Variants in PTPRT observed in about 807,000 individuals in gnomAD.
PTPRT encodes protein tyrosine phosphatase receptor type T.
In PTPRT, 56 loss-of-function variants were observed where a neutral mutation model predicts 176.8. The ratio of observed to expected loss-of-function variants is 0.32; its 90% CI spans 0.26 to 0.40. The LOEUF (loss-of-function observed/expected upper bound fraction) is 0.40. Ranked by LOEUF, PTPRT falls within the 10% of genes least tolerant of loss-of-function variation. PTPRT has a pLI of 1.00. For synonymous variants in PTPRT, 783 were observed against 739.0 expected, an observed-to-expected ratio of 1.06 and a Z score of -0.96; for missense variants, 1,540 against 1,908.2, an observed-to-expected ratio of 0.81 and a Z score of 3.60.
chr20:42,245,433 C>T (rs1025583716), intron 14 of PTPRT, among the ~76,000 whole-genome samples: 4 of 152,106 alleles, frequency 2.6e-5, no homozygotes, highest in Non-Finnish European at 5.9e-5. Context: ...AATCACCCAC[C>T]AACATCTCAT....
intron 17 of PTPRT, among the ~76,000 whole-genome samples, chr20:42,145,690 G>A (rs920498599): frequency 1.3e-5 from 2 of 152,120 alleles, no homozygotes; most frequent in Non-Finnish European, 1.5e-5. Flanking sequence ...TTCATTAGAG[G>A]GCACAGGAAG....
intron 1 of PTPRT, among the ~76,000 whole-genome samples, chr20:43,162,917 G>A (rs548603039): frequency 5.3e-5 from 8 of 152,288 alleles, no homozygotes; most frequent in African/African-American, 1.7e-4. Flanking sequence ...TACCATCTCC[G>A]TATGGTGATA....
chr20:42,783,793 C>A (rs1453409384), intron 3 of PTPRT, among the ~76,000 whole-genome samples: 1 of 152,100 alleles, frequency 6.6e-6, no homozygotes, highest in African/African-American at 2.4e-5. Context: ...ATGGGAGAGC[C>A]AGGGGAGTGA....
At chr20:42,856,223 C>G (rs1309204935) in intron 2 of PTPRT, among the ~76,000 whole-genome samples, 2 of 152,162 alleles carry the variant, frequency 1.3e-5, no homozygotes, top group Non-Finnish European at 2.9e-5. Context: ...GCAATTTCCT[C>G]TCCCATAAGA....
intron 9 of PTPRT, among the ~76,000 whole-genome samples, chr20:42,372,073 C>T (rs1471253765): frequency 6.6e-6 from 1 of 152,048 alleles, no homozygotes; most frequent in Non-Finnish European, 1.5e-5. Flanking sequence ...TCAAGAGACT[C>T]CAAACATTCC....
intron 1 of PTPRT, among the ~76,000 whole-genome samples, chr20:42,998,107 A>C (rs1034733700): frequency 1.3e-5 from 2 of 152,166 alleles, no homozygotes; most frequent in African/African-American, 4.8e-5. Context: ...TCAAGGGAAA[A>C]GCTACCCCCT....
intron 1 of PTPRT, among the ~76,000 whole-genome samples, chr20:42,920,380 T>C (rs1487345804): frequency 3.9e-5 from 6 of 151,918 alleles, no homozygotes; most frequent in Non-Finnish European, 8.8e-5. Flanking sequence ...AGTGGTCGCC[T>C]GGAGCAGGGA....
the PTPRT span, among the ~76,000 whole-genome samples, chr20:42,057,603 T>C: frequency 6.6e-6 from 1 of 152,186 alleles, no homozygotes; most frequent in Non-Finnish European, 1.5e-5. Flanking sequence ...TATCTTTTTT[T>C]TTAGAAACAG....
intron 18 of PTPRT, among the ~76,000 whole-genome samples, chr20:42,129,304 G>C (rs545329872): frequency 4.6e-5 from 7 of 152,236 alleles, no homozygotes; most frequent in African/African-American, 1.4e-4. Context: ...GAGATAGATT[G>C]TCAGCCATAT....
chr20:42,922,405 T>C (rs540836252), intron 1 of PTPRT, among the ~76,000 whole-genome samples: 1 of 152,268 alleles, frequency 6.6e-6, no homozygotes, highest in South Asian at 2.1e-4. Flanking sequence ...CTACTCCCAA[T>C]TTCACATCCT....
intron 1 of PTPRT, among the ~76,000 whole-genome samples, chr20:43,105,192 C>A (rs2012552854): frequency 1.3e-5 from 2 of 152,144 alleles, no homozygotes; most frequent in Admixed American, 6.5e-5. Flanking sequence ...TCAGGCCCTA[C>A]CTCAAACCTA....
intron 5 of PTPRT, among the ~76,000 whole-genome samples, chr20:42,766,139 A>G (rs573462179): frequency 7.2e-5 from 11 of 152,310 alleles, no homozygotes; most frequent in Middle Eastern, 3.4e-3. Context: ...CATTTTTTAA[A>G]TGGACTCCAC....
At chr20:42,321,257 T>G (rs960113326) in intron 11 of PTPRT, among the ~76,000 whole-genome samples, 2 of 152,152 alleles carry the variant, frequency 1.3e-5, no homozygotes, top group Admixed American at 6.5e-5. Flanking sequence ...AACTTGTGGC[T>G]GCATATTATA....
At chr20:42,744,561 T>C (rs1456239110) in intron 6 of PTPRT, among the ~76,000 whole-genome samples, 1 of 152,226 alleles carries the variant, frequency 6.6e-6, no homozygotes, top group African/African-American at 2.4e-5. Context: ...AATGGCTTTT[T>C]TTGATCCAAA....
At chr20:42,062,949 C>G in the PTPRT span, among the ~76,000 whole-genome samples, 1 of 152,360 alleles carries the variant, frequency 6.6e-6, no homozygotes, top group Non-Finnish European at 1.5e-5. Context: ...CAGCCAGCAT[C>G]CTGGAGGATG....
At chr20:42,787,270 G>A (rs1388139713) in intron 3 of PTPRT, among the ~76,000 whole-genome samples, 3 of 152,140 alleles carry the variant, frequency 2.0e-5, no homozygotes, top group Admixed American at 1.3e-4. Flanking sequence ...TGAAATGGAT[G>A]CTCTTAATTT....
rs116625960 is a variant in PTPRT at position 42,425,170 on chromosome 20, T to C, written c.1560+23050A>G. Reference sequence around the variant, plus strand: ...CTTCTAGATGTCTGGGAAACATTGATGAACAAGACAAAATCCTTGCCTGGA... The same window carrying C: ...CTTCTAGATGTCTGGGAAACATTGACGAACAAGACAAAATCCTTGCCTGGA... On this transcript the variant is annotated intron_variant, in intron 9 of 30. Transcript: ENST00000373187. Among the ~76,000 whole-genome samples the C allele has an allele frequency of 4.5e-3, 678 of 152,120 alleles. 5 individuals carry two copies. The highest frequency in any genetic ancestry group is 0.016 in the African/African-American group (653 of 41,478).
At position 42,553,606 on chromosome 20, in the gene PTPRT, CAT is replaced by C. The variant is rs1158838873; in HGVS notation, c.1154-81046_1154-81045del. On this transcript the variant is annotated intron_variant, in intron 7 of 30. Transcript: ENST00000373187. Reference sequence around the variant, plus strand: ...TTGCACTTTCATTTTCTTTCTTACACATACTTTTACTTGACCTCTCTCCCCCA... The same window carrying C: ...TTGCACTTTCATTTTCTTTCTTACACACTTTTACTTGACCTCTCTCCCCCA... Among the ~76,000 whole-genome samples, 17 of 152,186 alleles carry C rather than the reference CAT, an allele frequency of 1.1e-4. No homozygotes were observed. The East Asian group carries it at 2.7e-3, about 24-fold the overall frequency.
chr20:42,854,372 C>T (rs189412700), intron 2 of PTPRT, among the ~76,000 whole-genome samples: 1 of 152,256 alleles, frequency 6.6e-6, no homozygotes, highest in African/African-American at 2.4e-5. Context: ...AGTTTGAACA[C>T]CTTGACAAAG....
Sources: gnomAD v4.1 joint callset for allele counts (sites outside exome capture counted in the v4.1 genomes callset) on GRCh38, gnomAD v4.1.1 for gene constraint, MANE v1.5 for transcripts, NCBI Gene and HGNC (gene_info 2026-07-23, HGNC 2026-07-21) for gene names.